Variants in CNBD1 observed in about 807,000 individuals in gnomAD.
CNBD1 encodes the protein cyclic nucleotide-binding domain-containing protein 1.
A neutral mutation model predicts 54.4 loss-of-function variants in CNBD1; 71 were observed. The observed-to-expected ratio is 1.30, with a 90% confidence interval of 1.08 to 1.59. CNBD1 has a LOEUF of 1.59. Ranked by LOEUF, CNBD1 falls within the 40% of genes most tolerant of loss-of-function variation. The pLI is 0.00. For missense variants in CNBD1, 659 were observed against 518.0 expected (o/e 1.27, Z -2.64); for synonymous variants, 182 against 170.7 (o/e 1.07, Z -0.51).
At chr8:87,031,453 T>A (rs1809789226) in intron 4 of CNBD1, among the ~76,000 whole-genome samples, 1 of 152,172 alleles carries the variant, frequency 6.6e-6, no homozygotes, top group African/African-American at 2.4e-5. Flanking sequence ...CTCATTTTGA[T>A]TAGTGGCTAG....
intron 4 of CNBD1, among the ~76,000 whole-genome samples, chr8:87,160,418 G>C (rs964394670): frequency 9.2e-5 from 14 of 151,844 alleles, no homozygotes; most frequent in Non-Finnish European, 2.1e-4. Context: ...TCTAAAACTA[G>C]TACTGAAAAA....
chr8:87,281,579 T>G lies in CNBD1; in HGVS notation c.772-3099T>G, dbSNP rs867286485. Among the ~76,000 whole-genome samples the G allele has an allele frequency of 4.0e-4, 33 of 81,746 alleles. 1 individual carries two copies. The highest frequency in any genetic ancestry group is 1.2e-3 in the African/African-American group (25 of 21,334). 53.6% of individuals were successfully genotyped at this position (81,746 alleles called of 152,430 possible). ...ATATATATATATATATATATATATA[T>G]ATATATATATATATATATATATAAC... is the stretch of plus-strand genomic sequence containing the variant. On this transcript the variant is annotated intron_variant, in intron 6 of 10. Transcript: ENST00000518476.
chr8:87,135,121 C>T (rs1281809618), intron 4 of CNBD1, among the ~76,000 whole-genome samples: 1 of 151,960 alleles, frequency 6.6e-6, no homozygotes, highest in African/African-American at 2.4e-5. Flanking sequence ...AGTCTGATTT[C>T]TAGATCATTT....
chr8:87,035,280 A>T (rs1809898455), intron 4 of CNBD1, among the ~76,000 whole-genome samples: 1 of 152,188 alleles, frequency 6.6e-6, no homozygotes, highest in South Asian at 2.1e-4. Flanking sequence ...TGTAACCCAA[A>T]TATTGAATAT....
intron 6 of CNBD1, among the ~76,000 whole-genome samples, chr8:87,275,181 G>T (rs1808449714): frequency 7.1e-6 from 1 of 141,628 alleles, no homozygotes; most frequent in Non-Finnish European, 1.5e-5. Flanking sequence ...CCGTAGCCTT[G>T]TAGTATAGTT....
chr8:87,013,733 G>GTA, intron 4 of CNBD1, among the ~76,000 whole-genome samples: 1 of 150,416 alleles, frequency 6.6e-6, no homozygotes, highest in Middle Eastern at 3.2e-3. Context: ...GTGTATGTAT[G>GTA]TATATATGCA....
intron 4 of CNBD1, among the ~76,000 whole-genome samples, chr8:86,975,462 T>C (rs1169800922): frequency 6.6e-6 from 1 of 152,098 alleles, no homozygotes; most frequent in Non-Finnish European, 1.5e-5. Flanking sequence ...ATTTTGCATA[T>C]AGGTGAGATC....
At position 87,308,866 on chromosome 8, in the gene CNBD1, T is replaced by A. The variant is rs571709334; in HGVS notation, c.1042+22195T>A. ...ATATGTCTTTATGTGCCTGTCTTAT[T>A]TCATTTAATATACCGACCTCTAATT... On this transcript the variant is annotated intron_variant, in intron 8 of 10. Transcript: ENST00000518476. Among the ~76,000 whole-genome samples the A allele has an allele frequency of 7.2e-5, 11 of 152,268 alleles. No individual in the cohort carries two copies. The East Asian group carries it at 2.1e-3, about 29-fold the overall frequency.
At chr8:87,206,492 C>G (rs1288894356) in intron 5 of CNBD1, among the ~76,000 whole-genome samples, 1 of 152,022 alleles carries the variant, frequency 6.6e-6, no homozygotes, top group Non-Finnish European at 1.5e-5. Flanking sequence ...GTGATGCCAC[C>G]AGTGCAGGGA....
At chr8:86,933,354 A>G (rs779978420) in intron 3 of CNBD1, among the ~76,000 whole-genome samples, 1 of 152,158 alleles carries the variant, frequency 6.6e-6, no homozygotes, top group Non-Finnish European at 1.5e-5. Flanking sequence ...AACAAAACAC[A>G]CAAACTCCCC....
intron 5 of CNBD1, among the ~76,000 whole-genome samples, chr8:87,222,077 G>A (rs1244712521): frequency 6.6e-6 from 1 of 152,014 alleles, no homozygotes; most frequent in African/African-American, 2.4e-5. Flanking sequence ...ACCTTATAAA[G>A]AGATTCCATA....
chr8:86,953,920 A>T (rs898041219), intron 4 of CNBD1, among the ~76,000 whole-genome samples: 1 of 152,008 alleles, frequency 6.6e-6, no homozygotes, highest in African/African-American at 2.4e-5. Context: ...CCTGTTTATC[A>T]CTCCTTTGGA....
intron 4 of CNBD1, among the ~76,000 whole-genome samples, chr8:86,958,888 C>CTTTACTCATTAGTTGGTTAT (rs1366007615): frequency 4.0e-5 from 6 of 151,672 alleles, no homozygotes; most frequent in Non-Finnish European, 7.4e-5. Context: ...TAGCTGGTTA[C>CTTTACTCATTAGTTGGTTAT]TTTACTCATT....
chr8:87,198,557 A>G (rs1403788437), intron 4 of CNBD1, among the ~76,000 whole-genome samples: 1 of 152,232 alleles, frequency 6.6e-6, no homozygotes, highest in East Asian at 1.9e-4. Context: ...AAAGATTTTA[A>G]ATCAACTATT....
intron 10 of CNBD1, among the ~76,000 whole-genome samples, chr8:87,366,129 T>C (rs374966446): frequency 5.3e-5 from 8 of 152,062 alleles, no homozygotes; most frequent in African/African-American, 1.9e-4. Context: ...TTACCATAAA[T>C]TTAGCAGCTT....
At chr8:87,234,292 A>T (rs747537209) in intron 5 of CNBD1, among the ~76,000 whole-genome samples, 1 of 152,218 alleles carries the variant, frequency 6.6e-6, no homozygotes, top group Non-Finnish European at 1.5e-5. Context: ...AATGGCATCT[A>T]GAATAATGAA....
At chr8:87,240,471 C>T (rs932320068) in intron 6 of CNBD1, among the ~76,000 whole-genome samples, 1 of 152,140 alleles carries the variant, frequency 6.6e-6, no homozygotes, top group Non-Finnish European at 1.5e-5. Flanking sequence ...CTTAGCACCT[C>T]AATCAGATCC....
intron 8 of CNBD1, among the ~76,000 whole-genome samples, chr8:87,336,423 C>T (rs889654774): frequency 2.6e-5 from 4 of 151,782 alleles, no homozygotes; most frequent in Non-Finnish European, 5.9e-5. Flanking sequence ...CTAATCTTGT[C>T]TGCCTGCCTT....
intron 2 of CNBD1, among the ~76,000 whole-genome samples, chr8:87,424,270 T>A (rs1032249533): frequency 6.6e-6 from 1 of 152,060 alleles, no homozygotes; most frequent in Non-Finnish European, 1.5e-5. Flanking sequence ...TGTGTCTCTA[T>A]TTCCTTCAGT....
Sources: allele counts gnomAD v4.1 joint callset (sites outside exome capture counted in the v4.1 genomes callset), GRCh38; gene constraint gnomAD v4.1.1; transcripts MANE v1.5; gene names NCBI Gene and HGNC (gene_info 2026-07-23, HGNC 2026-07-21).